Variants in REC114 observed in about 807,000 individuals in gnomAD.
REC114 encodes meiotic recombination protein REC114.
A neutral mutation model predicts 31.3 loss-of-function variants in REC114; 27 were observed. The ratio of observed to expected loss-of-function variants is 0.86; its 90% CI spans 0.64 to 1.19. The LOEUF (loss-of-function observed/expected upper bound fraction) is 1.19. REC114 is among the 50% of genes most tolerant of loss of function. The pLI is 0.00. For synonymous variants in REC114, 134 were observed against 127.7 expected (o/e 1.05, Z -0.33); for missense variants, 344 against 326.9 (o/e 1.05, Z -0.40).
intron 2 of REC114, among the ~76,000 whole-genome samples, chr15:73,496,527 C>T (rs868354976): frequency 6.7e-5 from 10 of 148,926 alleles, no homozygotes; most frequent in South Asian, 4.3e-4. Flanking sequence ...GTGGCGGACA[C>T]CTGTAATCCC....
intron 2 of REC114, among the ~76,000 whole-genome samples, chr15:73,481,590 A>AT (rs796159488): frequency 0.01 from 1,233 of 121,764 alleles, 15 homozygotes; most frequent in African/African-American, 0.033. Context: ...TGGGTTTCAC[A>AT]TTTTTTTTTT....
At chr15:73,504,125 GT>G (rs1454006512) in intron 2 of REC114, among the ~76,000 whole-genome samples, 1 of 147,556 alleles carries the variant, frequency 6.8e-6, no homozygotes, top group African/African-American at 2.5e-5. Flanking sequence ...TCCTGCCTCA[GT>G]CTCCTGAGTA....
At chr15:73,453,545 G>T (rs912388412) in intron 1 of REC114, among the ~76,000 whole-genome samples, 1 of 152,192 alleles carries the variant, frequency 6.6e-6, no homozygotes, top group Non-Finnish European at 1.5e-5. Flanking sequence ...TTCAACCATT[G>T]TGGAAGACAG....
intron 2 of REC114, among the ~76,000 whole-genome samples, chr15:73,482,162 G>T (rs1203754678): frequency 6.6e-6 from 1 of 152,024 alleles, no homozygotes; most frequent in East Asian, 1.9e-4. Context: ...GACTATTGTA[G>T]GTACCTCATA....
At chr15:73,516,740 G>T (rs772813090) in intron 2 of REC114, among the ~76,000 whole-genome samples, 1 of 152,084 alleles carries the variant, frequency 6.6e-6, no homozygotes, top group East Asian at 1.9e-4. Flanking sequence ...CAATTCTCCC[G>T]CCTCAGCCTC....
intron 2 of REC114, among the ~76,000 whole-genome samples, chr15:73,477,240 A>G (rs948013745): frequency 6.6e-6 from 1 of 152,182 alleles, no homozygotes; most frequent in African/African-American, 2.4e-5. Context: ...TACTCTGGTT[A>G]CAACTCTTTT....
chr15:73,501,436 T>C (rs534110400), intron 2 of REC114, among the ~76,000 whole-genome samples: 1 of 152,102 alleles, frequency 6.6e-6, no homozygotes, highest in African/African-American at 2.4e-5. Flanking sequence ...TCCAGTTTTA[T>C]CAGCAGCAGC....
chr15:73,508,792 G>C (rs1314250572), intron 2 of REC114, among the ~76,000 whole-genome samples: 1 of 151,274 alleles, frequency 6.6e-6, no homozygotes, highest in African/African-American at 2.4e-5. Flanking sequence ...TTTTATGGCT[G>C]CATAGTATTC....
Position 73,540,679 on chromosome 15 carries a change from T to C in REC114, c.333+111T>C, listed in dbSNP as rs2141330189. 4.3e-6 allele frequency: 4 copies of C among 930,440 alleles called. No individual in the cohort carries two copies. The East Asian group carries it at 9.7e-5, about 23-fold the overall frequency. 57.6% of individuals were successfully genotyped at this position (930,440 alleles called of 1,614,324 possible). ...ACGGGTACTGGGAAGAATACAAATGTTTAAGAAAGGTTTGTACTATGAGAA... is the reference window on the plus strand; with the variant it reads ...ACGGGTACTGGGAAGAATACAAATGCTTAAGAAAGGTTTGTACTATGAGAA... On this transcript the variant is annotated intron_variant, in intron 3 of 5. Transcript: ENST00000331090.
At chr15:73,493,348 A>G (rs1893472383) in intron 2 of REC114, among the ~76,000 whole-genome samples, 1 of 151,868 alleles carries the variant, frequency 6.6e-6, no homozygotes, top group Non-Finnish European at 1.5e-5. Context: ...AAGAATCTGC[A>G]TTTTTCTGAA....
intron 2 of REC114, among the ~76,000 whole-genome samples, chr15:73,510,036 A>G (rs946713185): frequency 1.5e-4 from 23 of 152,104 alleles, no homozygotes; most frequent in African/African-American, 5.1e-4. Context: ...CTTGGGCAGT[A>G]TGGCCATTTT....
chr15:73,495,013 T>G (rs1893498891), intron 2 of REC114, among the ~76,000 whole-genome samples: 1 of 152,248 alleles, frequency 6.6e-6, no homozygotes, highest in African/African-American at 2.4e-5. Flanking sequence ...CTCTCTTTCA[T>G]TAGGGACTAA....
chr15:73,473,765 T>G (rs1390781788), intron 1 of REC114, 67 bp from the exon 2 acceptor site: 2 of 850,416 alleles, frequency 2.4e-6, no homozygotes, highest in Non-Finnish European at 3.7e-6. Flanking sequence ...TGGTCATCAG[T>G]ATTGTAAGTT....
intron 2 of REC114, among the ~76,000 whole-genome samples, chr15:73,510,892 G>A (rs1893754436): frequency 1.3e-5 from 2 of 152,128 alleles, no homozygotes; most frequent in African/African-American, 2.4e-5. Flanking sequence ...AAAGATATTG[G>A]TCTAAAATTC....
rs7162578 is a variant in REC114 at position 73,489,760 on chromosome 15, C to A, written c.249+15839C>A. Among the ~76,000 whole-genome samples the A allele has an allele frequency of 3.0e-3, 443 of 149,354 alleles. 3 individuals carry two copies. Among genetic ancestry groups the A allele is most frequent in the African/African-American group, 0.01 (414 of 40,872 alleles). On this transcript the variant is annotated intron_variant, in intron 2 of 5. Transcript: ENST00000331090. Reference sequence around the variant, plus strand: ...ATGGCTACTCCAGAAAAAAAAAAAACAAAACTCAACTCTCTAATCACCCAG... The same window carrying A: ...ATGGCTACTCCAGAAAAAAAAAAAAAAAAACTCAACTCTCTAATCACCCAG...
At chr15:73,486,514 T>C (rs1019896712) in intron 2 of REC114, among the ~76,000 whole-genome samples, 1 of 152,228 alleles carries the variant, frequency 6.6e-6, no homozygotes, top group Admixed American at 6.5e-5. Flanking sequence ...TTGGGCTCAA[T>C]TTGTCAGCAG....
intron 2 of REC114, among the ~76,000 whole-genome samples, chr15:73,535,643 A>T (rs1479243023): frequency 6.9e-6 from 1 of 145,512 alleles, no homozygotes; most frequent in Non-Finnish European, 1.5e-5. Context: ...TCAAGCTACC[A>T]ATGACTTTCT....
intron 2 of REC114, among the ~76,000 whole-genome samples, chr15:73,494,536 C>CT (rs1343255868): frequency 1.3e-5 from 2 of 151,030 alleles, no homozygotes; most frequent in Admixed American, 6.6e-5. Flanking sequence ...ACCTCAAAGT[C>CT]TAAAACCCTT....
chr15:73,524,255 CAAT>C (rs993565658), intron 2 of REC114, among the ~76,000 whole-genome samples: 14 of 152,226 alleles, frequency 9.2e-5, no homozygotes, highest in African/African-American at 2.4e-4. Context: ...AGAGTGAAAT[CAAT>C]GATGCTTTAT....
Sources: gnomAD v4.1 joint callset for allele counts (sites outside exome capture counted in the v4.1 genomes callset) on GRCh38, gnomAD v4.1.1 for gene constraint, MANE v1.5 for transcripts, NCBI Gene and HGNC (gene_info 2026-07-23, HGNC 2026-07-21) for gene names.